The following NCOA2 variants were observed in gnomAD, a reference collection of about 807,000 sequenced individuals.
NCOA2 encodes class E basic helix-loop-helix protein 75.
NCOA2 carries 21 observed loss-of-function variants against 145.1 expected under a neutral mutation model. That is an observed-to-expected ratio of 0.14 (90% confidence interval 0.10 to 0.21). The LOEUF (loss-of-function observed/expected upper bound fraction) is 0.21, where lower values mean the gene tolerates loss of function less well. Ranked by LOEUF, NCOA2 falls within the 10% of genes least tolerant of loss-of-function variation. The pLI, the probability that NCOA2 is intolerant of heterozygous loss-of-function variation, is 1.00. For synonymous variants in NCOA2, 619 were observed against 637.5 expected, an observed-to-expected ratio of 0.97 and a Z score of 0.44; for missense variants, 1,472 against 1,837.6, an observed-to-expected ratio of 0.80 and a Z score of 3.64.
At chr8:70,410,606 A>AAC in the NCOA2 span, among the ~76,000 whole-genome samples, 1 of 152,242 alleles carries the variant, frequency 6.6e-6, no homozygotes, top group African/African-American at 2.4e-5. Flanking sequence ...AAGTGCTTGG[A>AAC]ACACAAGCAT....
intron 2 of NCOA2, among the ~76,000 whole-genome samples, chr8:70,258,450 T>C (rs1476399597): frequency 6.6e-6 from 1 of 152,206 alleles, no homozygotes; most frequent in East Asian, 1.9e-4. Flanking sequence ...TGAGGAAGTT[T>C]TTCTTTATCT....
At chr8:70,216,321 A>G (rs9942731) in intron 3 of NCOA2, among the ~76,000 whole-genome samples, 1 of 152,224 alleles carries the variant, frequency 6.6e-6, no homozygotes, top group African/African-American at 2.4e-5. Flanking sequence ...ATAAAACAAC[A>G]AAAATAAAAC....
chr8:70,441,067 AAG>A, the NCOA2 span, among the ~76,000 whole-genome samples: 2 of 139,804 alleles, frequency 1.4e-5, no homozygotes, highest in Non-Finnish European at 3.2e-5. Flanking sequence ...GAGAGAAAGA[AAG>A]AAGAAAGGAA....
At chr8:70,202,388 C>T (rs1401133377) in intron 4 of NCOA2, among the ~76,000 whole-genome samples, 2 of 152,098 alleles carry the variant, frequency 1.3e-5, no homozygotes, top group African/African-American at 2.4e-5. Context: ...TATTTGCATC[C>T]CCATGTTAAT....
At chr8:70,398,228 G>T (rs555729405) in intron 1 of NCOA2, among the ~76,000 whole-genome samples, 1 of 152,236 alleles carries the variant, frequency 6.6e-6, no homozygotes, top group Admixed American at 6.5e-5. Flanking sequence ...GAAGCCAAGG[G>T]GAGAGGATCG....
intron 2 of NCOA2, among the ~76,000 whole-genome samples, chr8:70,231,775 AG>A: frequency 6.6e-6 from 1 of 152,166 alleles, no homozygotes; most frequent in Admixed American, 6.5e-5. Context: ...TCCATTACAA[AG>A]ATGCCCTTAT....
intron 2 of NCOA2, among the ~76,000 whole-genome samples, chr8:70,295,877 G>A (rs767475192): frequency 5.3e-5 from 8 of 152,132 alleles, no homozygotes; most frequent in Admixed American, 1.3e-4. Context: ...CCCATGAGGC[G>A]GAGGTTGCAG....
rs71275062 is a variant in NCOA2 at position 70,288,591 on chromosome 8, C to CAA, written c.-20+8151_-20+8152dup. 5.9e-5 allele frequency among the ~76,000 whole-genome samples: 7 copies of CAA among 119,250 alleles called. No individual in the cohort carries two copies. In the East Asian group the frequency reaches 6.5e-4, roughly 11 times the overall value. The allele number at this position is 119,250 out of a possible 152,430, so 78.2% of individuals were successfully genotyped here. A position where few individuals can be genotyped will look rare whatever the true frequency, so the allele number is the denominator to read the frequency against. On this transcript the variant is annotated intron_variant, in intron 2 of 22. Coordinates refer to ENST00000452400, the MANE Select transcript of NCOA2 (RefSeq NM_006540.4). ...GCGAAACCCTGTCTCAAAACAAAAA[C>CAA]AAAAAAAAAAAAGGAAGAAATAAAT...
intron 2 of NCOA2, among the ~76,000 whole-genome samples, chr8:70,276,240 C>T (rs1422416144): frequency 6.6e-6 from 1 of 151,860 alleles, no homozygotes; most frequent in Non-Finnish European, 1.5e-5. Flanking sequence ...CATAACAGCA[C>T]TGCAATTAAA....
chr8:70,299,121 C>T (rs1347814729), intron 1 of NCOA2, among the ~76,000 whole-genome samples: 1 of 151,900 alleles, frequency 6.6e-6, no homozygotes, highest in African/African-American at 2.4e-5. Flanking sequence ...TATAAAGATA[C>T]TAAAATTTCC....
At position 70,131,882 on chromosome 8, in the gene NCOA2, C is replaced by T; in HGVS notation, c.3279G>A (p.Leu1093=). The T allele has an allele frequency of 3.1e-6, 5 of 1,602,554 alleles. No individual in the cohort carries two copies. The highest frequency in any genetic ancestry group is 4.3e-6 in the Non-Finnish European group (5 of 1,174,906). The change falls in exon 16 of 23, where the codon CTG becomes CTA. Residue 1093 remains leucine (L), a synonymous_variant. Transcript: ENST00000452400. ...TTCCTAAGGCTCTATCAATCTCCTCCAGGCCATCAAAATTCCGCAAGGCCA... is the reference window on the plus strand; with the variant it reads ...TTCCTAAGGCTCTATCAATCTCCTCTAGGCCATCAAAATTCCGCAAGGCCA... ...LYLALRNFDG[L]EEIDRALGIP...
chr8:70,287,018 G>GC (rs1563724635), intron 2 of NCOA2, among the ~76,000 whole-genome samples: 2 of 152,060 alleles, frequency 1.3e-5, no homozygotes, highest in Non-Finnish European at 2.9e-5. Flanking sequence ...AGAGATGGGC[G>GC]GATCACTTGA....
the NCOA2 span, among the ~76,000 whole-genome samples, chr8:70,435,403 C>T: frequency 1.9e-5 from 2 of 106,846 alleles, no homozygotes; most frequent in Admixed American, 1.5e-4. Context: ...CCAGCTTGGG[C>T]GAAAGAGTGA....
intron 10 of NCOA2, among the ~76,000 whole-genome samples, chr8:70,158,423 C>T (rs930239467): frequency 1.3e-5 from 2 of 152,102 alleles, no homozygotes; most frequent in African/African-American, 4.8e-5. Context: ...TTTATCTTCA[C>T]TTTTTTATGA....
chr8:70,137,745 C>T (rs546134583), intron 15 of NCOA2, among the ~76,000 whole-genome samples: 89 of 152,354 alleles, frequency 5.8e-4, no homozygotes, highest in African/African-American at 2.0e-3. Flanking sequence ...CGAGCCACAC[C>T]GCCTGCCTGA....
At chr8:70,160,676 A>AGAGAGAGAGAGAGAGAGAGAGG (rs1438989655) in intron 9 of NCOA2, among the ~76,000 whole-genome samples, 1 of 144,424 alleles carries the variant, frequency 6.9e-6, no homozygotes, top group Non-Finnish European at 1.5e-5. Context: ...AGAGAGAGAG[A>AGAGAGAGAGAGAGAGAGAGAGG]GAGAGGGAGA....
chr8:70,329,600 A>C (rs987696418), intron 1 of NCOA2, among the ~76,000 whole-genome samples: 4 of 152,132 alleles, frequency 2.6e-5, no homozygotes, highest in African/African-American at 7.2e-5. Flanking sequence ...CATGTCCACA[A>C]AAAACACAAA....
chr8:70,263,320 G>A (rs969331848), intron 2 of NCOA2, among the ~76,000 whole-genome samples: 3 of 151,094 alleles, frequency 2.0e-5, no homozygotes, highest in African/African-American at 2.4e-5. Flanking sequence ...GCCCAGAACC[G>A]TATGCAATTT....
At chr8:70,263,253 G>A (rs1027720705) in intron 2 of NCOA2, among the ~76,000 whole-genome samples, 1 of 148,894 alleles carries the variant, frequency 6.7e-6, no homozygotes, top group African/African-American at 2.5e-5. Context: ...GAGGGACAAA[G>A]GGAGGATTCC....
Sources: gnomAD v4.1 joint callset for allele counts (sites outside exome capture counted in the v4.1 genomes callset) on GRCh38, gnomAD v4.1.1 for gene constraint, MANE v1.5 for transcripts, NCBI Gene and HGNC (gene_info 2026-07-23, HGNC 2026-07-21) for gene names.